PDE1A: variants seen among roughly 807,000 people sequenced by gnomAD.
The protein encoded by PDE1A is dual specificity calcium/calmodulin-dependent 3',5'-cyclic nucleotide phosphodiesterase 1A.
Under a neutral mutation model 61.7 loss-of-function variants are expected in PDE1A, and 35 were observed. The observed-to-expected ratio is 0.57, with a 90% CI of 0.43 to 0.75. The LOEUF is 0.75. PDE1A is among the 30% of genes least tolerant of loss of function. The pLI is 0.00. For missense variants in PDE1A, 597 were observed against 630.6 expected (o/e 0.95, Z 0.57); for synonymous variants, 232 against 213.2 (o/e 1.09, Z -0.77).
intron 1 of PDE1A, among the ~76,000 whole-genome samples, chr2:182,300,869 G>T (rs1355537981): frequency 6.6e-6 from 1 of 152,022 alleles, no homozygotes; most frequent in Non-Finnish European, 1.5e-5. Context: ...GCTATGCATG[G>T]GCTCTCTCTT....
chr2:182,590,976 C>A, the PDE1A span, among the ~76,000 whole-genome samples: 1 of 152,154 alleles, frequency 6.6e-6, no homozygotes, highest in African/African-American at 2.4e-5. Flanking sequence ...TCCACAGGAA[C>A]TATAACAATG....
At chr2:182,160,157 G>C (rs967059750) in intron 13 of PDE1A, among the ~76,000 whole-genome samples, 1 of 152,180 alleles carries the variant, frequency 6.6e-6, no homozygotes, top group Non-Finnish European at 1.5e-5. Flanking sequence ...AATTGAAAAA[G>C]ATAGTCTAGT....
chr2:182,199,774 A>G (rs1686459358), intron 10 of PDE1A, among the ~76,000 whole-genome samples: 1 of 152,158 alleles, frequency 6.6e-6, no homozygotes, highest in African/African-American at 2.4e-5. Context: ...TTAGGACCAA[A>G]ATATTTGAAT....
At chr2:182,329,689 C>T (rs971275572) in intron 1 of PDE1A, among the ~76,000 whole-genome samples, 2 of 152,172 alleles carry the variant, frequency 1.3e-5, no homozygotes, top group Admixed American at 1.3e-4. Context: ...CCAGGCCTGG[C>T]CTGTCTAATT....
chr2:182,674,242 T>C, the PDE1A span, among the ~76,000 whole-genome samples: 81 of 151,920 alleles, frequency 5.3e-4, no homozygotes, highest in African/African-American at 1.9e-3. Context: ...CCAACTGCAG[T>C]TGCATTGCTT....
At chr2:182,688,617 C>A in the PDE1A span, among the ~76,000 whole-genome samples, 1 of 152,168 alleles carries the variant, frequency 6.6e-6, no homozygotes, top group Admixed American at 6.5e-5. Context: ...GAAACTGCAT[C>A]AACTAACGAG....
intron 13 of PDE1A, among the ~76,000 whole-genome samples, chr2:182,169,290 T>C (rs1170710068): frequency 6.6e-6 from 1 of 152,044 alleles, no homozygotes; most frequent in Non-Finnish European, 1.5e-5. Flanking sequence ...ATATTGTACA[T>C]TGAAAAAAAC....
chr2:182,250,576 T>G (rs1559252862), intron 2 of PDE1A, among the ~76,000 whole-genome samples: 2 of 152,190 alleles, frequency 1.3e-5, no homozygotes, highest in Non-Finnish European at 2.9e-5. Flanking sequence ...AAAAAAAAGT[T>G]TCCTGATAGA....
upstream of PDE1A, among the ~76,000 whole-genome samples, chr2:182,431,106 TAA>T (rs1158822621): frequency 7.2e-5 from 4 of 55,774 alleles, no homozygotes; most frequent in Admixed American, 2.0e-4. Context: ...TAGAGTATAA[TAA>T]AAAAAAAAAC....
chr2:182,524,093 C>A (rs1291562801), upstream of PDE1A, among the ~76,000 whole-genome samples: 2 of 152,064 alleles, frequency 1.3e-5, no homozygotes, highest in Non-Finnish European at 2.9e-5. Context: ...AAGCATTTAC[C>A]AGAGTTGTCA....
the PDE1A span, among the ~76,000 whole-genome samples, chr2:182,635,789 G>A: frequency 6.6e-6 from 1 of 151,126 alleles, no homozygotes; most frequent in Non-Finnish European, 1.5e-5. Context: ...GCTTTATTGA[G>A]GTATAATTAA....
the PDE1A span, among the ~76,000 whole-genome samples, chr2:182,551,819 C>T: frequency 6.6e-6 from 1 of 152,112 alleles, no homozygotes; most frequent in Non-Finnish European, 1.5e-5. Flanking sequence ...ACTCTTGACC[C>T]CTGCTAAAAA....
chr2:182,519,583 A>G (rs66523825), intron 2 of PDE1A, among the ~76,000 whole-genome samples: 9,991 of 152,004 alleles, frequency 0.066, 349 homozygotes, highest in Middle Eastern at 0.099. Context: ...TTATATGAAG[A>G]CAATTTAGAA....
the PDE1A span, among the ~76,000 whole-genome samples, chr2:182,545,642 T>C: frequency 2.0e-5 from 3 of 152,176 alleles, no homozygotes; most frequent in African/African-American, 7.2e-5. Flanking sequence ...GCTTTATGGC[T>C]CAGAGCTCAA....
At chr2:182,608,329 C>CG in the PDE1A span, among the ~76,000 whole-genome samples, 7 of 152,232 alleles carry the variant, frequency 4.6e-5, no homozygotes, top group Non-Finnish European at 8.8e-5. Flanking sequence ...AGGTGACACC[C>CG]GGGCTCGCTC....
chr2:182,564,785 C>T, the PDE1A span, among the ~76,000 whole-genome samples: 2 of 152,106 alleles, frequency 1.3e-5, no homozygotes, highest in Non-Finnish European at 2.9e-5. Context: ...CTTCCCTTCT[C>T]GCTTCATTTC....
At chr2:182,603,640 G>A in the PDE1A span, among the ~76,000 whole-genome samples, 2 of 152,210 alleles carry the variant, frequency 1.3e-5, no homozygotes, top group Admixed American at 6.5e-5. Context: ...AGTAGTTGCA[G>A]AATGCAGGTA....
chr2:182,233,345 G>T (rs973715258), intron 4 of PDE1A, among the ~76,000 whole-genome samples: 2 of 152,026 alleles, frequency 1.3e-5, no homozygotes, highest in Non-Finnish European at 2.9e-5. Flanking sequence ...CATCAGCAGT[G>T]CACAACCCTC....
rs1691043552 is a variant in PDE1A at position 182,247,267 on chromosome 2, A to G, written c.168-6975T>C. Among the ~76,000 whole-genome samples the G allele has an allele frequency of 2.0e-5, 3 of 152,212 alleles. No homozygotes were observed. In the South Asian group the frequency reaches 6.2e-4, roughly 32 times the overall value. ...ACAGGAAAGAAAACTTAAAAAAAGT[A>G]TGCATTGTTTATATGCCTTTAGCCA... is the stretch of plus-strand genomic sequence containing the variant. On this transcript the variant is annotated intron_variant, in intron 2 of 13. Transcript: ENST00000351439.
Sources: allele counts gnomAD v4.1 joint callset (sites outside exome capture counted in the v4.1 genomes callset), GRCh38; gene constraint gnomAD v4.1.1; transcripts MANE v1.5; gene names NCBI Gene and HGNC (gene_info 2026-07-23, HGNC 2026-07-21).